RAB12: variants seen among roughly 807,000 people sequenced by gnomAD.
RAB12 encodes RAB12, member RAS oncogene family.
A neutral mutation model predicts 28.4 loss-of-function variants in RAB12; 11 were observed. The observed-to-expected ratio is 0.39, with a 90% CI of 0.24 to 0.64. RAB12 has a LOEUF of 0.64. RAB12 is among the 30% of genes least tolerant of loss of function. The probability of loss-of-function intolerance (pLI) is 0.50; values close to 1 mark genes in which losing one functional copy is unlikely to be tolerated. For missense variants in RAB12, 276 were observed against 351.1 expected (o/e 0.79, Z 1.71); for synonymous variants, 138 against 145.3 (o/e 0.95, Z 0.36).
At chr18:8,621,595 C>CT (rs1326034773) in intron 1 of RAB12, among the ~76,000 whole-genome samples, 1 of 152,086 alleles carries the variant, frequency 6.6e-6, no homozygotes, top group East Asian at 1.9e-4. Context: ...TAAACAGATT[C>CT]TTTTTTTCTT....
In RAB12 at chr18:8,609,662, C is replaced by T. The variant is rs2096002537; in HGVS notation, c.223C>T (p.Pro75Ser). The T allele has an allele frequency of 1.1e-5, 9 of 856,464 alleles. No homozygotes were observed. The highest frequency in any genetic ancestry group is 1.3e-5 in the Non-Finnish European group (9 of 715,528). 53.1% of individuals were successfully genotyped at this position (856,464 alleles called of 1,614,324 possible). A position where few individuals can be genotyped will look rare whatever the true frequency, so the allele number is the denominator to read the frequency against. The stretch of plus-strand genomic sequence containing the variant: ...GGCGGAGGCCGAGGGGGCGCCGGGG[C>T]CCGGGGCGCGCAGCCGGGGGGCGGG... ...RAAEAEGAPG[P>S]GARSRGAGGG... The change falls in exon 1 of 6, where the codon CCC becomes TCC. Residue 75 changes from proline (P) to serine (S), a missense_variant. Pro to Ser is a moderately conservative substitution (Grantham distance 74). Coordinates refer to ENST00000649141, the MANE Select transcript of RAB12 (RefSeq NM_001025300.3).
rs113598936 is a variant in RAB12, at chr18:8,627,167, C to G, written c.575+2169C>G. Among the ~76,000 whole-genome samples, 630 of 152,296 alleles carry G rather than the reference C, an allele frequency of 4.1e-3. 2 individuals are homozygous for G. The highest frequency in any genetic ancestry group is 0.014 in the African/African-American group (601 of 41,542). ...GGCTTCTTTAGGAGTGAGGCACAGC[C>G]CTTGTGCTGCTGCTGGTGTAACCTG... On this transcript the variant is annotated intron_variant, in intron 2 of 5. Coordinates refer to ENST00000649141, the MANE Select transcript of RAB12 (RefSeq NM_001025300.3).
At chr18:8,621,250 T>C (rs1443029554) in intron 1 of RAB12, among the ~76,000 whole-genome samples, 1 of 152,212 alleles carries the variant, frequency 6.6e-6, no homozygotes, top group East Asian at 1.9e-4. Flanking sequence ...TTATTGAGGA[T>C]CATTATCACT....
intron 1 of RAB12, among the ~76,000 whole-genome samples, chr18:8,612,693 CAG>C (rs2096004512): frequency 6.6e-6 from 1 of 152,100 alleles, no homozygotes; most frequent in Non-Finnish European, 1.5e-5. Flanking sequence ...ATTTTTGAGA[CAG>C]AGTCTTGCTC....
Position 8,609,962 on chromosome 18 carries a change from GC to G in RAB12, c.514+11del. On this transcript the variant is annotated intron_variant, in intron 1 of 5. Coordinates refer to ENST00000649141, the MANE Select transcript of RAB12 (RefSeq NM_001025300.3). The stretch of plus-strand genomic sequence containing the variant: ...CTGCAAGTCCACCGTGGGTAAGGGC[GC>G]CACGGCGACCCTGGGCCGGGCCTCC... The G allele has an allele frequency of 6.2e-7, 1 of 1,602,006 alleles. No individual in the cohort carries two copies. Among genetic ancestry groups the G allele is most frequent in the Non-Finnish European group, 8.5e-7 (1 of 1,173,216 alleles).
Position 8,609,526 on chromosome 18 carries a change from G to A in RAB12, c.87G>A (p.Gly29=), listed in dbSNP as rs1439873222. The A allele has an allele frequency of 1.3e-5, 2 of 151,550 alleles. No homozygotes were observed. The highest frequency in any genetic ancestry group is 3.5e-4 in the South Asian group (2 of 5,668). 9.4% of individuals were successfully genotyped at this position (151,550 alleles called of 1,614,324 possible). A position where few individuals can be genotyped will look rare whatever the true frequency, so the allele number is the denominator to read the frequency against. ...GGGSGGGGGG[G]DPGAESRPAA... is the part of the protein sequence containing the mutation. Reference sequence around the variant, plus strand: ...GCAGCGGCGGAGGAGGAGGAGGAGGGGACCCGGGCGCAGAGAGCCGGCCGG... The same window carrying A: ...GCAGCGGCGGAGGAGGAGGAGGAGGAGACCCGGGCGCAGAGAGCCGGCCGG... The change falls in exon 1 of 6, where the codon GGG becomes GGA. Residue 29 remains glycine (G), a synonymous_variant. Transcript: ENST00000649141.
chr18:8,628,207 A>G (rs545052320), intron 2 of RAB12, among the ~76,000 whole-genome samples: 1 of 152,322 alleles, frequency 6.6e-6, no homozygotes, highest in East Asian at 1.9e-4. Flanking sequence ...TGATCAGTGC[A>G]TTGATGTAAT....
At chr18:8,620,178 AGAC>A (rs1329497431) in intron 1 of RAB12, among the ~76,000 whole-genome samples, 2 of 148,638 alleles carry the variant, frequency 1.3e-5, no homozygotes, top group East Asian at 3.9e-4. Flanking sequence ...AAAAAAAAAA[AGAC>A]TGACTTAAAC....
At chr18:8,628,201 C>CAGTG (rs2096013936) in intron 2 of RAB12, among the ~76,000 whole-genome samples, 1 of 152,108 alleles carries the variant, frequency 6.6e-6, no homozygotes, top group Non-Finnish European at 1.5e-5. Flanking sequence ...AAAGCATGAT[C>CAGTG]AGTGCATTGA....
chr18:8,634,283 C>CTTTT (rs752637908), intron 3 of RAB12, among the ~76,000 whole-genome samples: 1 of 92,582 alleles, frequency 1.1e-5, no homozygotes, highest in African/African-American at 3.8e-5. Flanking sequence ...CTCTCTCTCT[C>CTTTT]TTTTTTTTTT....
chr18:8,621,645 G>T (rs1361429801), intron 1 of RAB12, among the ~76,000 whole-genome samples: 1 of 151,922 alleles, frequency 6.6e-6, no homozygotes, highest in South Asian at 2.1e-4. Context: ...AGGGTCAGGG[G>T]GTACATGTGC....
chr18:8,613,863 AGT>A (rs2096005258), intron 1 of RAB12, among the ~76,000 whole-genome samples: 1 of 150,380 alleles, frequency 6.6e-6, no homozygotes, highest in Non-Finnish European at 1.5e-5. Flanking sequence ...TAGTAGTAGT[AGT>A]AGTGGTCACT....
intron 2 of RAB12, among the ~76,000 whole-genome samples, chr18:8,632,694 G>A (rs200380400): frequency 0.024 from 3,639 of 152,158 alleles, 70 homozygotes; most frequent in South Asian, 0.073. Context: ...CGGGGAGTGG[G>A]TCATGCATGT....
At chr18:8,631,134 C>T (rs1435811992) in intron 2 of RAB12, among the ~76,000 whole-genome samples, 2 of 152,212 alleles carry the variant, frequency 1.3e-5, no homozygotes, top group South Asian at 2.1e-4. Flanking sequence ...AGGTGACTTG[C>T]CCACCTCAGC....
intron 1 of RAB12, among the ~76,000 whole-genome samples, chr18:8,610,324 G>T (rs923354709): frequency 2.0e-5 from 3 of 152,232 alleles, no homozygotes; most frequent in Non-Finnish European, 4.4e-5. Context: ...GCTCTCGCCC[G>T]GCCCGCCAAG....
At chr18:8,630,507 G>A (rs563843546) in intron 2 of RAB12, among the ~76,000 whole-genome samples, 1 of 152,280 alleles carries the variant, frequency 6.6e-6, no homozygotes, top group African/African-American at 2.4e-5. Flanking sequence ...CATGCTGGAG[G>A]GTAGAGTGAG....
chr18:8,639,144 GTTCTTTTTTTTTTTTTTTTTTTT>G lies in RAB12; in HGVS notation c.*885_*907del, dbSNP rs2096020806. 1 of 16,558 alleles carries G rather than the reference GTTCTTTTTTTTTTTTTTTTTTTT, an allele frequency of 6.0e-5. No homozygotes were observed. Among genetic ancestry groups the G allele is most frequent in the African/African-American group, 1.8e-4 (1 of 5,450 alleles). The allele number at this position is 16,558 out of a possible 1,614,324, so 1.0% of individuals were successfully genotyped here. A position where few individuals can be genotyped will look rare whatever the true frequency, so the allele number is the denominator to read the frequency against. On this transcript the variant is annotated 3_prime_UTR_variant, in exon 6 of 6. Transcript: ENST00000649141. ...CTTATTCTGATTAAGCCTAGACTGTGTTCTTTTTTTTTTTTTTTTTTTTTTTTTTTTTTTTTTTTTTTTTTTTT... is the reference window on the plus strand; with the variant it reads ...CTTATTCTGATTAAGCCTAGACTGTGTTTTTTTTTTTTTTTTTTTTTTTTT...
At chr18:8,620,164 T>TTTTTTTTTTTAGATG (rs1241560251) in intron 1 of RAB12, among the ~76,000 whole-genome samples, 1 of 55,350 alleles carries the variant, frequency 1.8e-5, no homozygotes, top group Non-Finnish European at 3.4e-5. Context: ...TTTTTTTGCT[T>TTTTTTTTTTTAGATG]CAAAAAAAAA....
chr18:8,634,303 T>TTTC (rs1488184341), intron 3 of RAB12, among the ~76,000 whole-genome samples: 5 of 133,606 alleles, frequency 3.7e-5, no homozygotes, highest in Non-Finnish European at 7.8e-5. Flanking sequence ...TTTTTTTTTT[T>TTTC]CATTAAAAAA....
Sources: gnomAD v4.1 joint callset for allele counts (sites outside exome capture counted in the v4.1 genomes callset) on GRCh38, gnomAD v4.1.1 for gene constraint, MANE v1.5 for transcripts, NCBI Gene and HGNC (gene_info 2026-07-23, HGNC 2026-07-21) for gene names.